MET: variants seen among roughly 807,000 people sequenced by gnomAD.
The protein encoded by MET is hepatocyte growth factor receptor.
In MET, 48 loss-of-function variants were observed where a neutral mutation model predicts 133.1. The observed-to-expected ratio is 0.36, with a 90% confidence interval of 0.29 to 0.46. The LOEUF is 0.46. MET is among the 20% of genes least tolerant of loss of function. The pLI is 1.00. For synonymous variants in MET, 628 were observed against 616.5 expected, an observed-to-expected ratio of 1.02 and a Z score of -0.28; for missense variants, 1,442 against 1,695.9, an observed-to-expected ratio of 0.85 and a Z score of 2.63.
At position 116,693,705 on chromosome 7, in the gene MET, T is replaced by A. The variant is rs1053330555; in HGVS notation, c.-14-5366T>A. ...TTGAGTTTAAACTATAGTCTGCCTA[T>A]CTCCACTACTGGCCTGAGATCTCAC... On this transcript the variant is annotated intron_variant, in intron 1 of 20. Transcript: ENST00000397752. 2.6e-5 allele frequency among the ~76,000 whole-genome samples: 4 copies of A among 152,290 alleles called. 1 individual carries two copies. Among genetic ancestry groups the A allele is most frequent in the South Asian group, 2.1e-4 (1 of 4,818 alleles).
chr7:116,717,743 A>G (rs542010513), intron 2 of MET, among the ~76,000 whole-genome samples: 1 of 152,366 alleles, frequency 6.6e-6, no homozygotes, highest in South Asian at 2.1e-4. Flanking sequence ...AATCTGTCCT[A>G]TAGATCAATT....
In MET at chr7:116,763,088, T is replaced by C; in HGVS notation, c.2403T>C (p.Cys801=). The C allele has an allele frequency of 6.2e-7, 1 of 1,614,098 alleles. No homozygotes were observed. The highest frequency in any genetic ancestry group is 8.5e-7 in the Non-Finnish European group (1 of 1,179,988). The part of the protein sequence containing the change: ...QHRSNSEIIC[C]TTPSLQQLNL... ...GCTCTAATTCAGAGATAATCTGTTG[T>C]ACCACTCCTTCCCTGCAACAGCTGA... is the stretch of plus-strand genomic sequence containing the variant. Residue 801 remains cysteine (C), a synonymous_variant, in exon 11 of 21, where the codon TGT becomes TGC. Transcript: ENST00000397752.
intron 6 of MET, among the ~76,000 whole-genome samples, chr7:116,757,056 C>G (rs1466380514): frequency 6.6e-6 from 1 of 151,514 alleles, no homozygotes; most frequent in Non-Finnish European, 1.5e-5. Context: ...TAGTGAGACT[C>G]CATCTCTACC....
At chr7:116,741,117 T>C (rs778681345) in intron 5 of MET, 92 bp downstream of exon 5, 2 of 1,426,342 alleles carry the variant, frequency 1.4e-6, no homozygotes, top group African/African-American at 1.4e-5. Context: ...TTTTTTTAGA[T>C]ACAAATCCCA....
At chr7:116,687,453 G>A (rs1218618057) in intron 1 of MET, among the ~76,000 whole-genome samples, 1 of 152,088 alleles carries the variant, frequency 6.6e-6, no homozygotes, top group Non-Finnish European at 1.5e-5. Flanking sequence ...GTGACATATT[G>A]ATCTCAACAT....
intron 1 of MET, among the ~76,000 whole-genome samples, chr7:116,689,018 A>G (rs913577559): frequency 1.3e-5 from 2 of 152,216 alleles, no homozygotes. Context: ...TTTATCTCCT[A>G]TAGCCACCTG....
At chr7:116,781,928 A>T in intron 17 of MET, 60 bp from the exon 18 acceptor site, 2 of 1,056,376 alleles carry the variant, frequency 1.9e-6, no homozygotes, top group Non-Finnish European at 2.9e-6. Context: ...CAGAATTCTA[A>T]GGTCAAAATT....
chr7:116,776,768 G>A (rs1468142470), intron 15 of MET, among the ~76,000 whole-genome samples: 2 of 152,156 alleles, frequency 1.3e-5, no homozygotes, highest in Admixed American at 1.3e-4. Flanking sequence ...GCTACCATTG[G>A]GAAAATGATG....
chr7:116,683,705 A>T (rs1796443620), intron 1 of MET, among the ~76,000 whole-genome samples: 2 of 152,178 alleles, frequency 1.3e-5, no homozygotes, highest in Admixed American at 1.3e-4. Flanking sequence ...TGCCCTCCTC[A>T]TGGCCAGATC....
intron 1 of MET, among the ~76,000 whole-genome samples, chr7:116,696,722 A>G (rs1022443102): frequency 6.6e-6 from 1 of 152,218 alleles, no homozygotes; most frequent in East Asian, 1.9e-4. Flanking sequence ...GGTTTTAACC[A>G]TCACCTCTGT....
chr7:116,786,975 T>C (rs1476901924), intron 19 of MET, among the ~76,000 whole-genome samples: 1 of 152,194 alleles, frequency 6.6e-6, no homozygotes, highest in African/African-American at 2.4e-5. Flanking sequence ...AACTGAAAGC[T>C]GAGTTTCAGT....
At chr7:116,754,787 A>G (rs969175681) in intron 5 of MET, among the ~76,000 whole-genome samples, 25 of 151,330 alleles carry the variant, frequency 1.7e-4, no homozygotes, top group Admixed American at 6.6e-5. Context: ...ACTGCACTCC[A>G]GCCTGAACAA....
chr7:116,698,758 CTA>C (rs1033891123), intron 1 of MET, among the ~76,000 whole-genome samples: 30 of 152,266 alleles, frequency 2.0e-4, no homozygotes, highest in African/African-American at 7.0e-4. Context: ...AAGAAAGTTG[CTA>C]TGTTTTTTCT....
At position 116,699,998 on chromosome 7, in the gene MET, A is replaced by G. The variant is rs763935791; in HGVS notation, c.914A>G (p.Lys305Arg). ...PLECILTEKR[K>R]KRSTKKEVFN... ...GAGTGTATTCTCACAGAAAAGAGAA[A>G]AAAGAGATCCACAAAGAAGGAAGTG... is the stretch of plus-strand genomic sequence containing the variant. The change falls in exon 2 of 21, where the codon AAA (lysine) becomes AGA (arginine). Residue 305 changes from lysine to arginine, a missense_variant. This residue lies in a region of MET where 762 missense variants were observed against 792.4 expected (regional missense o/e 0.96). Transcript: ENST00000397752. The G allele has an allele frequency of 1.2e-6, 2 of 1,614,066 alleles. No individual in the cohort carries two copies. The highest frequency in any genetic ancestry group is 1.7e-6 in the Non-Finnish European group (2 of 1,179,982).
chr7:116,760,230 C>G (rs899055574), intron 10 of MET, among the ~76,000 whole-genome samples: 2 of 152,170 alleles, frequency 1.3e-5, no homozygotes, highest in Admixed American at 6.5e-5. Context: ...CATTTCTAAG[C>G]AGCTGACGTA....
intron 5 of MET, 42 bp downstream of exon 5, chr7:116,741,067 G>GTTTTTT: frequency 1.5e-6 from 2 of 1,348,786 alleles, no homozygotes; most frequent in Admixed American, 2.2e-5. Flanking sequence ...TTTGTTTGGT[G>GTTTTTT]TTTTTTTTTT....
intron 6 of MET, among the ~76,000 whole-genome samples, chr7:116,756,181 C>T (rs1189359898): frequency 6.7e-6 from 1 of 150,222 alleles, no homozygotes; most frequent in Admixed American, 6.6e-5. Flanking sequence ...CAGCTCAGCT[C>T]TGATCATCTT....
At chr7:116,705,319 C>G (rs1427395776) in intron 2 of MET, among the ~76,000 whole-genome samples, 6 of 152,042 alleles carry the variant, frequency 3.9e-5, no homozygotes, top group African/African-American at 9.7e-5. Flanking sequence ...AGATTTATAA[C>G]TTTTATAGGC....
At chr7:116,689,051 C>T (rs1796679320) in intron 1 of MET, among the ~76,000 whole-genome samples, 1 of 152,138 alleles carries the variant, frequency 6.6e-6, no homozygotes, top group Non-Finnish European at 1.5e-5. Flanking sequence ...TTAATAAGCT[C>T]ATTTATTATA....
Sources: gnomAD v4.1 joint callset for allele counts (sites outside exome capture counted in the v4.1 genomes callset) on GRCh38, gnomAD v4.1.1 for gene constraint, gnomAD v4.1.1 regional missense constraint, MANE v1.5 for transcripts, NCBI Gene and HGNC (gene_info 2026-07-23, HGNC 2026-07-21) for gene names.